PIP4K2A: variants seen among roughly 807,000 people sequenced by gnomAD.
PIP4K2A encodes phosphatidylinositol-5-phosphate 4-kinase type 2 alpha, also known as phosphatidylinositol 5-phosphate 4-kinase type-2 alpha.
PIP4K2A carries 14 observed loss-of-function variants against 42.9 expected under a neutral mutation model. The observed-to-expected ratio is 0.33, with a 90% CI of 0.22 to 0.51. PIP4K2A has a LOEUF of 0.51. Among genes scored for constraint, PIP4K2A ranks in the 20% least tolerant of loss-of-function variants. The pLI, the probability that PIP4K2A is intolerant of heterozygous loss-of-function variation, is 0.97. For missense variants in PIP4K2A, 434 were observed against 519.8 expected (o/e 0.83, Z 1.61); for synonymous variants, 192 against 192.2 (o/e 1.00, Z 0.01).
chr10:22,681,517 T>C (rs1336513726), intron 1 of PIP4K2A, among the ~76,000 whole-genome samples: 1 of 151,978 alleles, frequency 6.6e-6, no homozygotes, highest in Non-Finnish European at 1.5e-5. Context: ...CTTCAAAAAA[T>C]TTTAAAAATT....
chr10:22,699,017 CTG>C (rs1478644596), intron 1 of PIP4K2A, among the ~76,000 whole-genome samples: 4 of 152,142 alleles, frequency 2.6e-5, no homozygotes, highest in African/African-American at 9.7e-5. Flanking sequence ...TGTGTTAAAT[CTG>C]TGAGTATCCG....
chr10:22,570,828 T>C lies in PIP4K2A; in HGVS notation c.639+2483A>G, dbSNP rs922793510. On this transcript the variant is annotated intron_variant, in intron 5 of 9. Coordinates refer to ENST00000376573, the MANE Select transcript of PIP4K2A (RefSeq NM_005028.5). ...CAGTGGCAACAGTGGGTATTAGTAGTGTTTGTGATTTAAAAAAAAAAAACA... is the reference window on the plus strand; with the variant it reads ...CAGTGGCAACAGTGGGTATTAGTAGCGTTTGTGATTTAAAAAAAAAAAACA... 3.3e-5 allele frequency among the ~76,000 whole-genome samples: 5 copies of C among 150,914 alleles called. No homozygotes were observed. In the Admixed American group the frequency reaches 3.3e-4, roughly 10 times the overall value.
intron 9 of PIP4K2A, among the ~76,000 whole-genome samples, chr10:22,538,358 G>A: frequency 6.6e-6 from 1 of 151,662 alleles, no homozygotes; most frequent in Non-Finnish European, 1.5e-5. Flanking sequence ...GCTAGGATAG[G>A]AGAGATGAAC....
At chr10:22,668,114 G>A (rs1027393857) in intron 1 of PIP4K2A, among the ~76,000 whole-genome samples, 2 of 152,048 alleles carry the variant, frequency 1.3e-5, no homozygotes, top group African/African-American at 4.8e-5. Context: ...ACCAATCCCA[G>A]CTGATTTTTG....
chr10:22,712,616 GCATTT>G (rs1419402365), intron 1 of PIP4K2A, among the ~76,000 whole-genome samples: 8 of 152,262 alleles, frequency 5.3e-5, no homozygotes, highest in African/African-American at 1.9e-4. Flanking sequence ...AGGAAAAATT[GCATTT>G]CATTTTCCGT....
chr10:22,567,527 A>C, intron 6 of PIP4K2A: 1 of 553,412 alleles, frequency 1.8e-6, no homozygotes, highest in Non-Finnish European at 3.4e-6. Context: ...GACCCGCAGG[A>C]ACGCACTCTC....
chr10:22,613,691 A>C (rs1450373870), intron 1 of PIP4K2A, among the ~76,000 whole-genome samples: 4 of 152,228 alleles, frequency 2.6e-5, no homozygotes, highest in African/African-American at 9.6e-5. Context: ...GCTTCCGGGC[A>C]GAGCTGAGCG....
At position 22,573,299 on chromosome 10, in the gene PIP4K2A, A is replaced by T. The variant is rs769531423; in HGVS notation, c.639+12T>A. ...TGAGTTACTTTACAAAAATTCATAA[A>T]ATCAGTCTCACCTTTAAGTCGTATT... On this transcript the variant is annotated intron_variant, in intron 5 of 9. Coordinates refer to ENST00000376573, the MANE Select transcript of PIP4K2A (RefSeq NM_005028.5). 3 of 1,609,858 alleles carry T rather than the reference A, an allele frequency of 1.9e-6. No individual in the cohort carries two copies. In the Admixed American group the frequency reaches 5.0e-5, roughly 27 times the overall value.
At chr10:22,593,901 T>C (rs1837567038) in intron 3 of PIP4K2A, among the ~76,000 whole-genome samples, 1 of 152,206 alleles carries the variant, frequency 6.6e-6, no homozygotes, top group Non-Finnish European at 1.5e-5. Flanking sequence ...CAGCACAGGA[T>C]AGAATTCCAG....
At chr10:22,664,219 A>ATG (rs1564460374) in intron 1 of PIP4K2A, among the ~76,000 whole-genome samples, 1 of 39,950 alleles carries the variant, frequency 2.5e-5, no homozygotes, top group Non-Finnish European at 4.5e-5. Context: ...ATATATATAC[A>ATG]TATATATATA....
chr10:22,709,106 C>CTT (rs760885162), intron 1 of PIP4K2A, among the ~76,000 whole-genome samples: 1 of 144,504 alleles, frequency 6.9e-6, no homozygotes. Flanking sequence ...ATTTAGCAGA[C>CTT]TTTTTTTTTT....
chr10:22,627,537 G>C (rs922513375), intron 1 of PIP4K2A, among the ~76,000 whole-genome samples: 1 of 129,190 alleles, frequency 7.7e-6, no homozygotes, highest in Non-Finnish European at 1.6e-5. Context: ...TCAAGAATGT[G>C]AAAGAAATAC....
chr10:22,619,621 G>A (rs1373817633), intron 1 of PIP4K2A, among the ~76,000 whole-genome samples: 1 of 151,920 alleles, frequency 6.6e-6, no homozygotes, highest in Admixed American at 6.6e-5. Flanking sequence ...ATTTTTAGTA[G>A]AGATGGGGTT....
Position 22,541,928 on chromosome 10 carries a change from G to A in PIP4K2A, c.912C>T (p.Ser304=), listed in dbSNP as rs62640376. The A allele has an allele frequency of 2.9e-3, 4,628 of 1,613,992 alleles. 99 individuals are homozygous for A. In the African/African-American group the frequency reaches 0.051, roughly 18 times the overall value. ...GGGTTCCCACCGGGTGGGTGCCATCGCTCTCGCCCTCCTCCTCCCCATCGT... is the reference window on the plus strand; with the variant it reads ...GGGTTCCCACCGGGTGGGTGCCATCACTCTCGCCCTCCTCCTCCCCATCGT... ...EENDGEEEGE[S]DGTHPVGTPP... is the part of the protein sequence containing the mutation. Residue 304 remains serine (S), a synonymous_variant, in exon 8 of 10, where the codon AGC becomes AGT. Transcript: ENST00000376573.
chr10:22,670,967 C>A (rs1344358549), intron 1 of PIP4K2A, among the ~76,000 whole-genome samples: 1 of 152,144 alleles, frequency 6.6e-6, no homozygotes, highest in African/African-American at 2.4e-5. Context: ...AGCAGAGAAG[C>A]AGTCATCATA....
rs971929236 is a variant in PIP4K2A at position 22,556,269 on chromosome 10, G to A, written c.679-5497C>T. On this transcript the variant is annotated intron_variant, in intron 6 of 9. Coordinates refer to ENST00000376573, the MANE Select transcript of PIP4K2A (RefSeq NM_005028.5). ...GGCCCGAGGCGCCAACCTCCCTGTCGTGGCGGCTCTAGTTCCCTACACTGC... is the reference window on the plus strand; with the variant it reads ...GGCCCGAGGCGCCAACCTCCCTGTCATGGCGGCTCTAGTTCCCTACACTGC... Among the ~76,000 whole-genome samples, 10 of 152,152 alleles carry A rather than the reference G, an allele frequency of 6.6e-5. No homozygotes were observed. In the East Asian group the frequency reaches 1.7e-3, roughly 26 times the overall value.
intron 1 of PIP4K2A, among the ~76,000 whole-genome samples, chr10:22,683,765 T>C (rs1348697282): frequency 6.6e-6 from 1 of 151,748 alleles, no homozygotes; most frequent in Non-Finnish European, 1.5e-5. Context: ...TTCTCATGGT[T>C]TGGTACCTCT....
chr10:22,604,018 CA>C (rs1458957817), intron 3 of PIP4K2A, among the ~76,000 whole-genome samples: 5 of 151,556 alleles, frequency 3.3e-5, no homozygotes, highest in African/African-American at 4.9e-5. Flanking sequence ...CGCACACACA[CA>C]CACACACACA....
At chr10:22,548,498 C>T (rs1484503369) in intron 7 of PIP4K2A, among the ~76,000 whole-genome samples, 2 of 152,100 alleles carry the variant, frequency 1.3e-5, no homozygotes, top group African/African-American at 4.8e-5. Context: ...GGGCTACTTA[C>T]CATAATTGCT....
Sources: gnomAD v4.1 joint callset for allele counts (sites outside exome capture counted in the v4.1 genomes callset) on GRCh38, gnomAD v4.1.1 for gene constraint, MANE v1.5 for transcripts, NCBI Gene and HGNC (gene_info 2026-07-23, HGNC 2026-07-21) for gene names.